Variants in LPAR3 observed in about 807,000 individuals in gnomAD.
LPAR3 encodes lysophosphatidic acid receptor 3, also known as LPA receptor 3.
Under a neutral mutation model 17.8 loss-of-function variants are expected in LPAR3, and 7 were observed. The observed-to-expected ratio is 0.39, with a 90% CI of 0.22 to 0.74. LPAR3 has a LOEUF of 0.74. LPAR3 is among the 30% of genes least tolerant of loss of function. The pLI, the probability that LPAR3 is intolerant of heterozygous loss-of-function variation, is 0.40. For missense variants in LPAR3, 391 were observed against 453.4 expected (o/e 0.86, Z 1.25); for synonymous variants, 179 against 179.9 (o/e 0.99, Z 0.04).
intron 2 of LPAR3, among the ~76,000 whole-genome samples, chr1:84,853,574 T>A (rs1008947987): frequency 6.6e-6 from 1 of 152,150 alleles, no homozygotes; most frequent in Admixed American, 6.5e-5. Context: ...CACGCCCCAC[T>A]GGCCTGCTTC....
At chr1:84,891,525 A>C (rs951236620) in intron 1 of LPAR3, among the ~76,000 whole-genome samples, 3 of 152,286 alleles carry the variant, frequency 2.0e-5, no homozygotes, top group South Asian at 2.1e-4. Flanking sequence ...GTGTGTTTCT[A>C]ACCGTATCAC....
At chr1:84,840,470 A>T (rs1659484902) in intron 2 of LPAR3, among the ~76,000 whole-genome samples, 1 of 152,234 alleles carries the variant, frequency 6.6e-6, no homozygotes, top group African/African-American at 2.4e-5. Context: ...AACAAAAACC[A>T]ACAATGGCAG....
chr1:84,813,816 G>C lies in LPAR3; in HGVS notation c.*30C>G. The C allele has an allele frequency of 6.4e-7, 1 of 1,565,616 alleles. No homozygotes were observed. Among genetic ancestry groups the C allele is most frequent in the Non-Finnish European group, 8.8e-7 (1 of 1,140,720 alleles). ...TCTTAACAGCTCTTTTCCCAGAGGA[G>C]GCCTGGGTGGGCCGAGAGGCATCCA... On this transcript the variant is annotated 3_prime_UTR_variant, in exon 3 of 3. Transcript: ENST00000370611.
chr1:84,879,428 C>G (rs996094844), intron 1 of LPAR3, among the ~76,000 whole-genome samples: 9 of 150,562 alleles, frequency 6.0e-5, no homozygotes, highest in Non-Finnish European at 1.2e-4. Flanking sequence ...TCTCCTGCCT[C>G]AGCCTCCCGA....
chr1:84,869,434 G>A (rs546086311), intron 1 of LPAR3, among the ~76,000 whole-genome samples: 7 of 152,168 alleles, frequency 4.6e-5, no homozygotes, highest in South Asian at 4.1e-4. Flanking sequence ...AAAAAACTTC[G>A]CATAGGAAAT....
At chr1:84,874,173 G>A (rs901450542) in intron 1 of LPAR3, among the ~76,000 whole-genome samples, 1 of 152,230 alleles carries the variant, frequency 6.6e-6, no homozygotes. Flanking sequence ...AAGCCACAGA[G>A]AGGCAAGCGT....
At chr1:84,844,204 C>T (rs984390492) in intron 2 of LPAR3, among the ~76,000 whole-genome samples, 1 of 152,200 alleles carries the variant, frequency 6.6e-6, no homozygotes. Flanking sequence ...CAATTTCTAG[C>T]TTAACATGTG....
intron 1 of LPAR3, among the ~76,000 whole-genome samples, chr1:84,884,359 G>T (rs1660419912): frequency 6.6e-6 from 1 of 152,176 alleles, no homozygotes; most frequent in South Asian, 2.1e-4. Flanking sequence ...CTTGCTGAGA[G>T]AATTAAATTT....
intron 1 of LPAR3, among the ~76,000 whole-genome samples, chr1:84,888,490 T>C (rs1660498785): frequency 6.6e-6 from 1 of 152,192 alleles, no homozygotes. Flanking sequence ...TCTGGCTTTC[T>C]ACCTCCTTAG....
Position 84,893,121 on chromosome 1 carries a change from CGG to C in LPAR3, c.-126_-125del, listed in dbSNP as rs999542896. 6 of 152,166 alleles carry C rather than the reference CGG, an allele frequency of 3.9e-5. No individual in the cohort carries two copies. The highest frequency in any genetic ancestry group is 1.2e-4 in the African/African-American group (5 of 41,548). The allele number at this position is 152,166 out of a possible 1,614,324, so 9.4% of individuals were successfully genotyped here. On this transcript the variant is annotated 5_prime_UTR_variant, in exon 1 of 3. Coordinates refer to ENST00000370611, the MANE Select transcript of LPAR3 (RefSeq NM_012152.3). ...GGGCGACCGGGCGCCGGGCTCCAGC[CGG>C]GCGCGGAGAAGCAGCGGAGGACGCG... is the stretch of plus-strand genomic sequence containing the variant.
At chr1:84,828,560 A>G (rs879100847) in intron 2 of LPAR3, among the ~76,000 whole-genome samples, 2 of 152,148 alleles carry the variant, frequency 1.3e-5, no homozygotes, top group Admixed American at 1.3e-4. Context: ...AGAATATGGC[A>G]ATAATTACTT....
Position 84,813,154 on chromosome 1 carries a change from T to TAGAGAGAGAGAGAGAGAGAG in LPAR3, c.*691_*692insCTCTCTCTCTCTCTCTCTCT, listed in dbSNP as rs769368125. 4 of 101,022 alleles carry TAGAGAGAGAGAGAGAGAGAG rather than the reference T, an allele frequency of 4.0e-5. No individual in the cohort carries two copies. Among genetic ancestry groups the TAGAGAGAGAGAGAGAGAGAG allele is most frequent in the African/African-American group, 1.1e-4 (3 of 27,250 alleles). The allele number at this position is 101,022 out of a possible 1,614,324, so 6.3% of individuals were successfully genotyped here. ...ATATATATATATATATATATATATA[T>TAGAGAGAGAGAGAGAGAGAG]ATATAGACACACACACACACACACA... is the stretch of plus-strand genomic sequence containing the variant. On this transcript the variant is annotated 3_prime_UTR_variant, in exon 3 of 3. Coordinates refer to ENST00000370611, the MANE Select transcript of LPAR3 (RefSeq NM_012152.3).
intron 2 of LPAR3, among the ~76,000 whole-genome samples, chr1:84,857,144 A>AAC (rs1659844941): frequency 6.6e-6 from 1 of 152,126 alleles, no homozygotes; most frequent in Non-Finnish European, 1.5e-5. Context: ...TGATGGCACC[A>AAC]ACAGTAGGCT....
chr1:84,884,423 A>G (rs1206433827), intron 1 of LPAR3, among the ~76,000 whole-genome samples: 1 of 152,220 alleles, frequency 6.6e-6, no homozygotes, highest in Non-Finnish European at 1.5e-5. Flanking sequence ...TTGCATTTCT[A>G]ACATAATGAT....
intron 2 of LPAR3, among the ~76,000 whole-genome samples, 163 bp from the exon 3 acceptor site, chr1:84,814,334 C>T (rs1163193184): frequency 5.9e-5 from 9 of 152,182 alleles, no homozygotes; most frequent in Admixed American, 1.3e-4. Context: ...TTGAGACCTA[C>T]GCTTGGTACA....
chr1:84,828,309 A>G (rs1204853152), intron 2 of LPAR3, among the ~76,000 whole-genome samples: 4 of 152,178 alleles, frequency 2.6e-5, no homozygotes, highest in Admixed American at 2.0e-4. Flanking sequence ...AATGGCAATC[A>G]TTTATAGTTT....
chr1:84,888,986 C>A (rs1660506104), intron 1 of LPAR3, among the ~76,000 whole-genome samples: 1 of 152,128 alleles, frequency 6.6e-6, no homozygotes, highest in South Asian at 2.1e-4. Context: ...CTGAGGTGTA[C>A]AAATGATTCA....
chr1:84,850,851 A>T (rs577936040), intron 2 of LPAR3, among the ~76,000 whole-genome samples: 8 of 152,332 alleles, frequency 5.3e-5, no homozygotes, highest in African/African-American at 1.9e-4. Context: ...GTCCCAGGTG[A>T]CATAGAACGA....
intron 2 of LPAR3, among the ~76,000 whole-genome samples, chr1:84,819,996 A>G (rs752390935): frequency 6.6e-6 from 1 of 152,218 alleles, no homozygotes; most frequent in Non-Finnish European, 1.5e-5. Flanking sequence ...ACTCTGGGTC[A>G]GGCAGTGTGC....
Sources: allele counts gnomAD v4.1 joint callset (sites outside exome capture counted in the v4.1 genomes callset), GRCh38; gene constraint gnomAD v4.1.1; transcripts MANE v1.5; gene names NCBI Gene and HGNC (gene_info 2026-07-23, HGNC 2026-07-21).